Variants in GLG1 observed in about 807,000 individuals in gnomAD.
GLG1 encodes Golgi apparatus protein 1.
In GLG1, 38 loss-of-function variants were observed where a neutral mutation model predicts 160.5. That is an observed-to-expected ratio of 0.24 (90% confidence interval 0.18 to 0.31). The LOEUF is 0.31. Ranked by LOEUF, GLG1 falls within the 10% of genes least tolerant of loss-of-function variation. The probability of loss-of-function intolerance (pLI) is 1.00; values close to 1 mark genes in which losing one functional copy is unlikely to be tolerated. For missense variants in GLG1, 1,373 were observed against 1,505.2 expected (o/e 0.91, Z 1.45); for synonymous variants, 644 against 543.4 (o/e 1.19, Z -2.57).
At chr16:74,555,294 G>A (rs9806812) in intron 1 of GLG1, among the ~76,000 whole-genome samples, 51,560 of 151,882 alleles carry the variant, frequency 0.34, 9,397 homozygotes, top group African/African-American at 0.48. Context: ...ATAAAATTGG[G>A]CAATTATTCA....
rs1313842398 is a variant in GLG1, at chr16:74,453,187, G to A, written c.3520C>T (p.Arg1174Ter). The change falls in exon 26 of 26, where the codon CGA becomes TGA. Residue 1174 changes from arginine to a stop codon, truncating the protein, a stop_gained. Coordinates refer to ENST00000422840, the MANE Select transcript of GLG1 (RefSeq NM_001145667.2). LOFTEE classifies it high-confidence loss of function. The part of the protein sequence containing the change: ...MCGRITKRVT[R>*]ELKDR ...TGGCTCTACCTGTCCTTGAGCTCTC[G>A]TGTCACTCGCTTGGTGATCCGTCCA... 1.9e-6 allele frequency: 3 copies of A among 1,614,040 alleles called. No homozygotes were observed. The highest frequency in any genetic ancestry group is 1.3e-5 in the African/African-American group (1 of 75,032).
intron 1 of GLG1, among the ~76,000 whole-genome samples, chr16:74,597,395 C>A (rs1381184906): frequency 1.3e-5 from 2 of 149,116 alleles, no homozygotes; most frequent in Non-Finnish European, 3.0e-5. Context: ...CATGCCACTG[C>A]CCTCCAGCCT....
In GLG1 at chr16:74,462,205, A is replaced by T; in HGVS notation, c.2935-10T>A. On this transcript the variant is annotated splice_polypyrimidine_tract_variant and intron_variant, in intron 21 of 25. Transcript: ENST00000422840. Reference sequence around the variant, plus strand: ...AGTCTGAAGACAGGCGCTGCATGTGACAAAGGGAGGATACATGGGCTGATC... The same window carrying T: ...AGTCTGAAGACAGGCGCTGCATGTGTCAAAGGGAGGATACATGGGCTGATC... 6.8e-7 allele frequency: 1 copy of T among 1,470,854 alleles called. No homozygotes were observed. The highest frequency in any genetic ancestry group is 9.5e-7 in the Non-Finnish European group (1 of 1,050,184). 91.1% of individuals were successfully genotyped at this position (1,470,854 alleles called of 1,614,324 possible).
intron 8 of GLG1, among the ~76,000 whole-genome samples, chr16:74,486,138 G>T (rs1261470478): frequency 6.6e-6 from 1 of 152,186 alleles, no homozygotes; most frequent in African/African-American, 2.4e-5. Flanking sequence ...CATTGATGGG[G>T]ACTGCTTATC....
At chr16:74,521,086 G>C (rs553647221) in intron 2 of GLG1, among the ~76,000 whole-genome samples, 3 of 152,296 alleles carry the variant, frequency 2.0e-5, no homozygotes, top group Non-Finnish European at 4.4e-5. Context: ...CACGAAAGAT[G>C]AATGTTCCAT....
chr16:74,604,223 C>T lies in GLG1; in HGVS notation c.438+2434G>A, dbSNP rs997301779. Among the ~76,000 whole-genome samples the T allele has an allele frequency of 8.5e-5, 13 of 152,236 alleles. No individual in the cohort carries two copies. The South Asian group carries it at 1.5e-3, about 17-fold the overall frequency. On this transcript the variant is annotated intron_variant, in intron 1 of 25. Coordinates refer to ENST00000422840, the MANE Select transcript of GLG1 (RefSeq NM_001145667.2). ...AAATTTTTTTTCAGAAAGAAAAGTT[C>T]CATAAGGTTCCAAAAAGCAAAAGTT...
At chr16:74,489,833 T>G (rs767828725) in intron 8 of GLG1, among the ~76,000 whole-genome samples, 1 of 152,092 alleles carries the variant, frequency 6.6e-6, no homozygotes, top group Non-Finnish European at 1.5e-5. Context: ...TCAAGGTGAG[T>G]AACTAAAGCT....
At chr16:74,530,891 T>G (rs963184223) in intron 2 of GLG1, among the ~76,000 whole-genome samples, 1 of 152,230 alleles carries the variant, frequency 6.6e-6, no homozygotes, top group African/African-American at 2.4e-5. Context: ...AATAAACTTT[T>G]TACTGTTTAT....
chr16:74,491,321 C>G, intron 7 of GLG1, 106 bp from the exon 8 acceptor site: 1 of 811,922 alleles, frequency 1.2e-6, no homozygotes, highest in African/African-American at 1.7e-5. Flanking sequence ...ATACAATATA[C>G]CTATCAGACA....
intron 1 of GLG1, among the ~76,000 whole-genome samples, chr16:74,565,528 G>C (rs2018630410): frequency 6.6e-6 from 1 of 152,190 alleles, no homozygotes; most frequent in Non-Finnish European, 1.5e-5. Flanking sequence ...GCCAATCACA[G>C]CAGCCATACT....
chr16:74,503,474 C>T, intron 4 of GLG1, 57 bp downstream of exon 4: 1 of 1,196,832 alleles, frequency 8.4e-7, no homozygotes, highest in South Asian at 1.2e-5. Flanking sequence ...TTATACAAAG[C>T]TTTTCATACA....
intron 19 of GLG1, 58 bp from the exon 20 acceptor site, chr16:74,463,537 G>T: frequency 1.9e-6 from 3 of 1,569,826 alleles, no homozygotes; most frequent in Non-Finnish European, 2.6e-6. Flanking sequence ...AACTCCATCT[G>T]CGACCACTTT....
At chr16:74,606,447 G>T (rs1211538898) in intron 1 of GLG1, among the ~76,000 whole-genome samples, 1 of 152,172 alleles carries the variant, frequency 6.6e-6, no homozygotes, top group Non-Finnish European at 1.5e-5. Flanking sequence ...CCCGGCAACA[G>T]GGAGGGAAAT....
chr16:74,598,777 G>A (rs1344195643), intron 1 of GLG1, among the ~76,000 whole-genome samples: 4 of 151,400 alleles, frequency 2.6e-5, no homozygotes, highest in South Asian at 2.1e-4. Context: ...CCAGCTACTC[G>A]GGAGGCTGAG....
chr16:74,483,911 G>A lies in GLG1; in HGVS notation c.1572-787C>T, dbSNP rs577094205. ...CCTGACCTCGTGATCTGCCCGCCTC[G>A]GCCTCCCAAAGTGCTGGGATTACAG... is the stretch of plus-strand genomic sequence containing the variant. On this transcript the variant is annotated intron_variant, in intron 9 of 25. Coordinates refer to ENST00000422840, the MANE Select transcript of GLG1 (RefSeq NM_001145667.2). Among the ~76,000 whole-genome samples, 112 of 152,050 alleles carry A rather than the reference G, an allele frequency of 7.4e-4. 1 individual carries two copies. Among genetic ancestry groups the A allele is most frequent in the Non-Finnish European group, 1.2e-3 (81 of 67,966 alleles).
intron 1 of GLG1, among the ~76,000 whole-genome samples, chr16:74,598,559 C>T (rs1253585597): frequency 6.7e-6 from 1 of 150,162 alleles, no homozygotes; most frequent in Non-Finnish European, 1.5e-5. Context: ...AATTAATTTA[C>T]ATGATAGCCT....
At chr16:74,574,473 T>C (rs552820080) in intron 1 of GLG1, among the ~76,000 whole-genome samples, 2 of 152,336 alleles carry the variant, frequency 1.3e-5, no homozygotes, top group South Asian at 4.1e-4. Flanking sequence ...CTATGAAGGA[T>C]GGTGCTTATC....
intron 1 of GLG1, among the ~76,000 whole-genome samples, chr16:74,571,204 T>C (rs1432109982): frequency 1.3e-5 from 2 of 151,982 alleles, no homozygotes; most frequent in East Asian, 1.9e-4. Context: ...CTACCAGACA[T>C]GTAAGTGAGG....
chr16:74,581,491 G>C (rs1430086854), intron 1 of GLG1, among the ~76,000 whole-genome samples: 1 of 150,382 alleles, frequency 6.6e-6, no homozygotes, highest in Non-Finnish European at 1.5e-5. Flanking sequence ...ACTCTGGAAT[G>C]GGAAGTTGTT....
Sources: gnomAD v4.1 joint callset for allele counts (sites outside exome capture counted in the v4.1 genomes callset) on GRCh38, gnomAD v4.1.1 for gene constraint, MANE v1.5 for transcripts, NCBI Gene and HGNC (gene_info 2026-07-23, HGNC 2026-07-21) for gene names.